CNGB1: variants seen among roughly 807,000 people sequenced by gnomAD.
CNGB1 encodes the protein cyclic nucleotide-gated channel beta-1.
In CNGB1, 126 loss-of-function variants were observed where a neutral mutation model predicts 151.7. The ratio of observed to expected loss-of-function variants is 0.83; its 90% CI spans 0.72 to 0.96. The LOEUF is 0.96. Among genes scored for constraint, CNGB1 ranks in the 40% least tolerant of loss-of-function variants. CNGB1 has a pLI of 0.00. For synonymous variants in CNGB1, 623 were observed against 635.1 expected (o/e 0.98, Z 0.29); for missense variants, 1,698 against 1,627.0 (o/e 1.04, Z -0.75).
chr16:57,964,529 A>G lies in CNGB1; in HGVS notation c.175T>C (p.Phe59Leu), dbSNP rs748030325. The G allele has an allele frequency of 1.9e-6, 3 of 1,613,902 alleles. No individual in the cohort carries two copies. The highest frequency in any genetic ancestry group is 2.2e-5 in the East Asian group (1 of 44,886). ...GCCACAGCCACTTCCTCCTCCTTGAATGACTCTTCGGGGGGCTAGAGGGTT... is the reference window on the plus strand; with the variant it reads ...GCCACAGCCACTTCCTCCTCCTTGAGTGACTCTTCGGGGGGCTAGAGGGTT... ...ESESMPPEES[F>L]KEEEVAVADP... is the part of the protein sequence containing the mutation. The change falls in exon 3 of 33, where the codon TTC (phenylalanine) becomes CTC (leucine). Residue 59 changes from phenylalanine to leucine, a missense_variant. By Grantham distance (22) the Phe-to-Leu change is conservative (BLOSUM62 0). Transcript: ENST00000251102.
chr16:57,903,621 A>G (rs1339708368), intron 27 of CNGB1, among the ~76,000 whole-genome samples: 1 of 152,060 alleles, frequency 6.6e-6, no homozygotes, highest in African/African-American at 2.4e-5. Context: ...CAGGGATCTC[A>G]TGACAGCCCT....
rs146170855 is a variant in CNGB1, at chr16:57,950,537, C to A, written c.878G>T (p.Ser293Ile). The A allele has an allele frequency of 1.9e-6, 3 of 1,614,126 alleles. No homozygotes were observed. The highest frequency in any genetic ancestry group is 2.5e-6 in the Non-Finnish European group (3 of 1,180,014). Reference protein sequence around the residue: ...SPGICDVQTISILPGGQVEPD... With the variant: ...SPGICDVQTIIILPGGQVEPD... The stretch of plus-strand genomic sequence containing the variant: ...CTCCACTTGTCCTCCAGGAAGGATG[C>A]TGACTGCAGGGAACACAGGAAGAGC... Residue 293 changes from serine to isoleucine, a missense_variant, in exon 13 of 33, where the codon AGC becomes ATC. By Grantham distance (142) the Ser-to-Ile change is moderately radical. Coordinates refer to ENST00000251102, the MANE Select transcript of CNGB1 (RefSeq NM_001297.5).
chr16:57,927,065 T>C (rs1299504746), intron 17 of CNGB1, among the ~76,000 whole-genome samples: 1 of 152,222 alleles, frequency 6.6e-6, no homozygotes, highest in African/African-American at 2.4e-5. Flanking sequence ...GGACCTAAGC[T>C]GGCAGCTTCT....
In CNGB1 at chr16:57,915,276, G is replaced by A. The variant is rs754026500; in HGVS notation, c.2277C>T (p.Pro759=). 142 of 1,613,924 alleles carry A rather than the reference G, an allele frequency of 8.8e-5. No homozygotes were observed. The highest frequency in any genetic ancestry group is 1.1e-4 in the Non-Finnish European group (126 of 1,179,934). Residue 759 remains proline, a synonymous_variant, in exon 23 of 33, where the codon CCC becomes CCT. Coordinates refer to ENST00000251102, the MANE Select transcript of CNGB1 (RefSeq NM_001297.5). The part of the protein sequence containing the change: ...DFLYLKVGVN[P]LLRLPRCLKY... Reference sequence around the variant, plus strand: ...TTAAACAGCGGGGCAGGCGGAGGAGGGGGTTCACACCGACTTTCAAATAGA... The same window carrying A: ...TTAAACAGCGGGGCAGGCGGAGGAGAGGGTTCACACCGACTTTCAAATAGA...
intron 16 of CNGB1, among the ~76,000 whole-genome samples, chr16:57,939,158 G>A (rs1961592181): frequency 1.3e-5 from 2 of 152,154 alleles, no homozygotes; most frequent in Non-Finnish European, 2.9e-5. Flanking sequence ...GAAGGAAGGA[G>A]TTGGCTGGGA....
intron 29 of CNGB1, among the ~76,000 whole-genome samples, chr16:57,901,063 G>A (rs891906925): frequency 2.6e-5 from 4 of 152,224 alleles, no homozygotes; most frequent in East Asian, 1.9e-4. Context: ...TGGAGTTGGG[G>A]GGGGGGTCTT....
At chr16:57,933,719 CT>C (rs1961424421) in intron 16 of CNGB1, among the ~76,000 whole-genome samples, 1 of 130,474 alleles carries the variant, frequency 7.7e-6, no homozygotes. Context: ...TCTTTCTTTT[CT>C]TTTCTTTTTT....
chr16:57,953,175 A>G (rs1962000251), intron 12 of CNGB1, among the ~76,000 whole-genome samples: 2 of 152,122 alleles, frequency 1.3e-5, no homozygotes, highest in African/African-American at 2.4e-5. Context: ...AGGGCCATCA[A>G]ATGAGGTTCT....
chr16:57,958,198 G>A (rs140433682), intron 11 of CNGB1, among the ~76,000 whole-genome samples: 37 of 152,240 alleles, frequency 2.4e-4, no homozygotes, highest in African/African-American at 8.4e-4. Context: ...GCTCCCCCAC[G>A]GAAGCACCTC....
intron 31 of CNGB1, among the ~76,000 whole-genome samples, chr16:57,892,179 G>A (rs556994157): frequency 4.6e-5 from 7 of 152,164 alleles, no homozygotes; most frequent in Non-Finnish European, 7.4e-5. Context: ...AGCGGGGAGC[G>A]TGCACTTGGG....
chr16:57,912,800 TTG>T (rs751197537), intron 24 of CNGB1, 128 bp downstream of exon 24: 209 of 907,124 alleles, frequency 2.3e-4, no homozygotes, highest in Non-Finnish European at 3.3e-4. Flanking sequence ...TGTGTGTATG[TTG>T]TGTGTGTGTT....
At chr16:57,923,074 T>TG (rs1961087885) in intron 18 of CNGB1, 199 bp downstream of exon 18, 3 of 471,910 alleles carry the variant, frequency 6.4e-6, no homozygotes, top group Non-Finnish European at 1.2e-5. Context: ...GCCCAGAGGT[T>TG]GAGCCCACTG....
chr16:57,964,277 G>T, intron 3 of CNGB1, 75 bp from the exon 4 acceptor site: 2 of 1,525,990 alleles, frequency 1.3e-6, no homozygotes, highest in Non-Finnish European at 1.8e-6. Context: ...GGGAGATCAA[G>T]TCAGGGGAGA....
At chr16:57,918,079 A>T (rs1346111677) in intron 20 of CNGB1, among the ~76,000 whole-genome samples, 1 of 151,376 alleles carries the variant, frequency 6.6e-6, no homozygotes, top group East Asian at 1.9e-4. Flanking sequence ...GGATGGATGG[A>T]TGGATAGATG....
intron 25 of CNGB1, among the ~76,000 whole-genome samples, chr16:57,906,135 TG>T (rs1469482245): frequency 6.6e-6 from 1 of 152,214 alleles, no homozygotes; most frequent in East Asian, 1.9e-4. Context: ...ACATGGGCTC[TG>T]GACCAGGCTG....
chr16:57,950,676 G>C (rs1453456424), intron 12 of CNGB1, 136 bp from the exon 13 acceptor site: 1 of 841,216 alleles, frequency 1.2e-6, no homozygotes, highest in Non-Finnish European at 1.9e-6. Context: ...GTGGGGAAAT[G>C]GCACTTTCCA....
intron 23 of CNGB1, among the ~76,000 whole-genome samples, chr16:57,914,397 C>T (rs553666805): frequency 8.5e-5 from 13 of 152,312 alleles, no homozygotes; most frequent in Admixed American, 2.0e-4. Context: ...CTTCCATGCT[C>T]GATTCCACAT....
intron 31 of CNGB1, among the ~76,000 whole-genome samples, chr16:57,890,630 C>T (rs1960061610): frequency 6.6e-6 from 1 of 152,230 alleles, no homozygotes; most frequent in Admixed American, 6.5e-5. Flanking sequence ...AAGTGACCCA[C>T]ATAAGACCTC....
At position 57,884,327 on chromosome 16, in the gene CNGB1, C is replaced by T; in HGVS notation, c.3593G>A (p.Ser1198Asn). Residue 1198 changes from serine to asparagine, a missense_variant, in exon 33 of 33, where the codon AGC (serine) becomes AAC (asparagine). Coordinates refer to ENST00000251102, the MANE Select transcript of CNGB1 (RefSeq NM_001297.5). ...CCCAAGGGAGGCAGGCGGTGGAGAG[C>T]TCGGTGGAGACCCCGGGGGCTCGGG... ...TPPEPPGSPP[S>N]SPPPASLGRP... 6.2e-7 allele frequency: 1 copy of T among 1,611,342 alleles called. No individual in the cohort carries two copies. The highest frequency in any genetic ancestry group is 1.1e-5 in the South Asian group (1 of 90,950).
Sources: gnomAD v4.1 joint callset for allele counts (sites outside exome capture counted in the v4.1 genomes callset) on GRCh38, gnomAD v4.1.1 for gene constraint, MANE v1.5 for transcripts, NCBI Gene and HGNC (gene_info 2026-07-23, HGNC 2026-07-21) for gene names.